Variants in HSD17B12 observed in about 807,000 individuals in gnomAD.
HSD17B12 encodes the protein very-long-chain 3-oxoacyl-CoA reductase.
HSD17B12 carries 32 observed loss-of-function variants against 39.3 expected under a neutral mutation model. The ratio of observed to expected loss-of-function variants is 0.81; its 90% CI spans 0.61 to 1.09. HSD17B12 has a LOEUF of 1.09. Ranked by LOEUF, HSD17B12 falls within the 50% of genes least tolerant of loss-of-function variation. HSD17B12 has a pLI of 0.00. For missense variants in HSD17B12, 342 were observed against 382.9 expected, an observed-to-expected ratio of 0.89 and a Z score of 0.89; for synonymous variants, 150 against 146.7, an observed-to-expected ratio of 1.02 and a Z score of -0.16.
the HSD17B12 span, among the ~76,000 whole-genome samples, chr11:43,557,729 G>C: frequency 6.6e-6 from 1 of 152,146 alleles, no homozygotes; most frequent in Non-Finnish European, 1.5e-5. Context: ...AAAGACAAGA[G>C]ATACTGAGCC....
chr11:43,666,339 G>A, the HSD17B12 span, among the ~76,000 whole-genome samples: 1,479 of 152,146 alleles, frequency 9.7e-3, 10 homozygotes, highest in Non-Finnish European at 0.015. Context: ...CTAGCAGCTG[G>A]GACCTTAGGC....
chr11:43,789,900 C>G (rs1471833754), intron 3 of HSD17B12, among the ~76,000 whole-genome samples: 1 of 152,152 alleles, frequency 6.6e-6, no homozygotes, highest in African/African-American at 2.4e-5. Flanking sequence ...CCACTGCACT[C>G]TAGCCTGGGT....
the HSD17B12 span, among the ~76,000 whole-genome samples, chr11:43,669,365 G>A: frequency 6.6e-6 from 1 of 152,086 alleles, no homozygotes; most frequent in Non-Finnish European, 1.5e-5. Flanking sequence ...GCTGGGCGTG[G>A]TGGCAGGCAC....
At chr11:43,566,597 T>C in the HSD17B12 span, among the ~76,000 whole-genome samples, 1 of 152,152 alleles carries the variant, frequency 6.6e-6, no homozygotes, top group South Asian at 2.1e-4. Context: ...TGGCGCAATC[T>C]TGGCTCACTG....
At chr11:43,838,430 T>G (rs1160657538) in intron 8 of HSD17B12, 32 bp downstream of exon 8, 12 of 1,448,862 alleles carry the variant, frequency 8.3e-6, no homozygotes, top group Non-Finnish European at 9.7e-6. Flanking sequence ...CATGTCAATA[T>G]AGTAATAAGG....
chr11:43,723,808 A>G (rs1950196775), intron 1 of HSD17B12, among the ~76,000 whole-genome samples: 1 of 152,170 alleles, frequency 6.6e-6, no homozygotes, highest in South Asian at 2.1e-4. Flanking sequence ...CTGCGTTGCC[A>G]TTTTTATCCT....
intron 1 of HSD17B12, chr11:43,718,797 G>A (rs1013839526): frequency 3.8e-5 from 36 of 958,332 alleles, no homozygotes; most frequent in Admixed American, 7.0e-5. Flanking sequence ...AAGAAGACCC[G>A]CACGTCACCC....
chr11:43,595,909 G>T, the HSD17B12 span, among the ~76,000 whole-genome samples: 1 of 152,076 alleles, frequency 6.6e-6, no homozygotes, highest in South Asian at 2.1e-4. Context: ...TCCATGTTTT[G>T]GTGTTTGCAA....
At chr11:43,679,453 G>A (rs1266276382), upstream of HSD17B12, among the ~76,000 whole-genome samples, 5 of 151,980 alleles carry the variant, frequency 3.3e-5, no homozygotes, top group Non-Finnish European at 5.9e-5. Context: ...AAACCCCATC[G>A]TCTCAGCCCA....
chr11:43,639,921 C>T, the HSD17B12 span, among the ~76,000 whole-genome samples: 2 of 152,086 alleles, frequency 1.3e-5, no homozygotes, highest in Admixed American at 6.5e-5. Context: ...GAACCCTAAG[C>T]GGGATGCCCT....
the HSD17B12 span, among the ~76,000 whole-genome samples, chr11:43,626,756 C>A: frequency 6.6e-6 from 1 of 151,780 alleles, no homozygotes; most frequent in South Asian, 2.1e-4. Flanking sequence ...AAATATAGTT[C>A]ATAATCATAT....
chr11:43,818,287 T>G (rs528005844), intron 6 of HSD17B12, among the ~76,000 whole-genome samples: 17 of 152,286 alleles, frequency 1.1e-4, no homozygotes, highest in Admixed American at 7.9e-4. Flanking sequence ...TAATAGTTAC[T>G]CATAATAACT....
the HSD17B12 span, among the ~76,000 whole-genome samples, chr11:43,620,787 C>T: frequency 6.6e-6 from 1 of 152,180 alleles, no homozygotes; most frequent in African/African-American, 2.4e-5. Context: ...AACTCTGGTC[C>T]ATTTGTTACC....
the HSD17B12 span, among the ~76,000 whole-genome samples, chr11:43,576,306 T>C: frequency 6.6e-6 from 1 of 152,114 alleles, no homozygotes; most frequent in Admixed American, 6.6e-5. Context: ...GGAGGGGGCG[T>C]TTAATGCACA....
At chr11:43,703,335 C>T (rs1262094769) in intron 1 of HSD17B12, among the ~76,000 whole-genome samples, 1 of 151,204 alleles carries the variant, frequency 6.6e-6, no homozygotes, top group African/African-American at 2.4e-5. Flanking sequence ...GCTGGGACTA[C>T]AGGCGCCCGC....
intron 9 of HSD17B12, chr11:43,853,137 A>T (rs1292535688): frequency 6.6e-6 from 1 of 152,208 alleles, no homozygotes; most frequent in Admixed American, 6.6e-5. Context: ...GGAGATCGAG[A>T]CCATCCTGGC....
chr11:43,603,928 T>C, the HSD17B12 span, among the ~76,000 whole-genome samples: 1 of 152,180 alleles, frequency 6.6e-6, no homozygotes, highest in Non-Finnish European at 1.5e-5. Context: ...AATCTGTTAA[T>C]ACAGAACAAT....
chr11:43,677,664 A>G (rs1201334357), upstream of HSD17B12, among the ~76,000 whole-genome samples: 5 of 137,874 alleles, frequency 3.6e-5, no homozygotes, highest in Non-Finnish European at 6.3e-5. Context: ...TCATTGTTCA[A>G]TTCCCACCTA....
At chr11:43,680,623 G>C (rs1318215655), upstream of HSD17B12, 3 of 590,438 alleles carry the variant, frequency 5.1e-6, no homozygotes, top group East Asian at 8.8e-5. Context: ...ACTGGAGTCA[G>C]CTAATGGCTG....
Sources: allele counts gnomAD v4.1 joint callset (sites outside exome capture counted in the v4.1 genomes callset), GRCh38; gene constraint gnomAD v4.1.1; transcripts MANE v1.5; gene names NCBI Gene and HGNC (gene_info 2026-07-23, HGNC 2026-07-21).